LRRC4C: variants seen among roughly 807,000 people sequenced by gnomAD.
The protein encoded by LRRC4C is leucine rich repeat containing 4C.
A neutral mutation model predicts 33.6 loss-of-function variants in LRRC4C; 5 were observed. The ratio of observed to expected loss-of-function variants is 0.15; its 90% CI spans 0.08 to 0.31. LRRC4C has a LOEUF of 0.31. LRRC4C is among the 10% of genes least tolerant of loss of function. The pLI is 1.00. For missense variants in LRRC4C, 560 were observed against 796.7 expected (o/e 0.70, Z 3.58); for synonymous variants, 329 against 302.0 (o/e 1.09, Z -0.93).
intron 3 of LRRC4C, among the ~76,000 whole-genome samples, chr11:40,597,444 C>T (rs958819255): frequency 2.6e-5 from 4 of 152,120 alleles, no homozygotes; most frequent in African/African-American, 9.7e-5. Flanking sequence ...AATTATTCTT[C>T]AGAGTTCCAT....
chr11:40,388,327 T>C (rs1306825926), intron 3 of LRRC4C, among the ~76,000 whole-genome samples: 1 of 152,120 alleles, frequency 6.6e-6, no homozygotes, highest in South Asian at 2.1e-4. Flanking sequence ...AATTGCCTTG[T>C]TTTATTGAGC....
intron 1 of LRRC4C, among the ~76,000 whole-genome samples, chr11:41,408,747 T>TAAAAAAAAAAAA (rs35914452): frequency 1.5e-5 from 2 of 131,776 alleles, no homozygotes; most frequent in African/African-American, 6.4e-5. Flanking sequence ...TATATTTTTG[T>TAAAAAAAAAAAA]AAAAAAAAAA....
At chr11:41,099,050 T>A (rs1215001305) in intron 1 of LRRC4C, among the ~76,000 whole-genome samples, 2 of 152,102 alleles carry the variant, frequency 1.3e-5, no homozygotes, top group African/African-American at 4.8e-5. Flanking sequence ...GAGACTGTGA[T>A]GAATACCTCT....
intron 3 of LRRC4C, among the ~76,000 whole-genome samples, chr11:40,575,069 T>G (rs1463182290): frequency 6.6e-6 from 1 of 152,182 alleles, no homozygotes; most frequent in East Asian, 1.9e-4. Context: ...GATGAGCTCA[T>G]GCAGGAGCTC....
chr11:41,306,242 C>T (rs937556901), intron 1 of LRRC4C, among the ~76,000 whole-genome samples: 19 of 152,146 alleles, frequency 1.2e-4, no homozygotes, highest in Admixed American at 1.1e-3. Context: ...TAACATACAA[C>T]GATTCTACCT....
At chr11:40,238,525 A>T (rs530300497) in intron 5 of LRRC4C, among the ~76,000 whole-genome samples, 48 of 152,278 alleles carry the variant, frequency 3.2e-4, no homozygotes, top group African/African-American at 1.1e-3. Context: ...ATCATTTTTT[A>T]AAAAATGGCT....
intron 3 of LRRC4C, among the ~76,000 whole-genome samples, chr11:40,576,123 A>G (rs987955339): frequency 8.5e-5 from 13 of 152,210 alleles, no homozygotes; most frequent in African/African-American, 3.1e-4. Flanking sequence ...TTTTAATTTT[A>G]TGAAAAAATA....
At chr11:40,282,989 T>C (rs200280188) in intron 4 of LRRC4C, among the ~76,000 whole-genome samples, 1 of 152,204 alleles carries the variant, frequency 6.6e-6, no homozygotes, top group Non-Finnish European at 1.5e-5. Flanking sequence ...TACTCAAACT[T>C]AAAATTTACA....
At chr11:41,265,893 A>T (rs1949135292) in intron 1 of LRRC4C, among the ~76,000 whole-genome samples, 1 of 151,720 alleles carries the variant, frequency 6.6e-6, no homozygotes, top group Non-Finnish European at 1.5e-5. Context: ...AAAAAATAAT[A>T]ATTACATTCT....
At chr11:41,228,459 C>A (rs186256080) in intron 1 of LRRC4C, among the ~76,000 whole-genome samples, 7 of 152,254 alleles carry the variant, frequency 4.6e-5, no homozygotes, top group African/African-American at 1.7e-4. Flanking sequence ...GTCTCCATCA[C>A]GGCTGTGAGA....
chr11:41,077,741 A>C (rs1269790750), intron 1 of LRRC4C, among the ~76,000 whole-genome samples: 1 of 152,196 alleles, frequency 6.6e-6, no homozygotes, highest in East Asian at 1.9e-4. Context: ...TTACCTATGC[A>C]AATTTCTGCA....
chr11:40,352,140 TTCCTTCCTTCCTTCC>T (rs1947432763), intron 3 of LRRC4C, among the ~76,000 whole-genome samples: 1 of 136,058 alleles, frequency 7.3e-6, no homozygotes, highest in African/African-American at 2.5e-5. Context: ...CCTTCCTTCC[TTCCTTCCTTCCTTCC>T]TTCCTTCCTT....
chr11:41,438,033 C>T lies in LRRC4C; in HGVS notation c.-496+21398G>A, dbSNP rs533691920. On this transcript the variant is annotated intron_variant, in intron 1 of 6. Coordinates refer to ENST00000528697, the MANE Select transcript of LRRC4C (RefSeq NM_001258419.2). Reference sequence around the variant, plus strand: ...AGCCTGGGCGACAAGAACAAAACTCCATCTCAAATAAATAAATAAATAAAT... The same window carrying T: ...AGCCTGGGCGACAAGAACAAAACTCTATCTCAAATAAATAAATAAATAAAT... 8.4e-5 allele frequency among the ~76,000 whole-genome samples: 5 copies of T among 59,710 alleles called. No homozygotes were observed. In the South Asian group the frequency reaches 2.0e-3, roughly 24 times the overall value. The allele number at this position is 59,710 out of a possible 152,430, so 39.2% of individuals were successfully genotyped here. A position where few individuals can be genotyped will look rare whatever the true frequency, so the allele number is the denominator to read the frequency against.
chr11:41,342,667 A>G (rs1346218370), intron 1 of LRRC4C, among the ~76,000 whole-genome samples: 6 of 152,136 alleles, frequency 3.9e-5, no homozygotes, highest in African/African-American at 1.2e-4. Context: ...GTGAGCCGAG[A>G]TTGTGCCACT....
chr11:40,118,211 A>G (rs1214888214), intron 6 of LRRC4C, among the ~76,000 whole-genome samples: 1 of 148,478 alleles, frequency 6.7e-6, no homozygotes, highest in Non-Finnish European at 1.5e-5. Flanking sequence ...GTATGAAATA[A>G]CAAATATAAT....
chr11:40,518,807 C>T (rs990278090), intron 3 of LRRC4C, among the ~76,000 whole-genome samples: 39 of 110,970 alleles, frequency 3.5e-4, no homozygotes, highest in African/African-American at 9.5e-4. Flanking sequence ...ACACATATTG[C>T]GGCACTATTC....
chr11:41,171,520 A>C (rs986578572), intron 1 of LRRC4C, among the ~76,000 whole-genome samples: 2 of 147,328 alleles, frequency 1.4e-5, no homozygotes, highest in African/African-American at 5.0e-5. Context: ...CAAACACTGC[A>C]TGTTCTCACT....
At chr11:40,179,130 A>G (rs1229541172) in intron 5 of LRRC4C, among the ~76,000 whole-genome samples, 1 of 151,516 alleles carries the variant, frequency 6.6e-6, no homozygotes, top group East Asian at 1.9e-4. Flanking sequence ...TCGTCCTCCC[A>G]AGTAGCTAGA....
intron 1 of LRRC4C, among the ~76,000 whole-genome samples, chr11:41,102,149 A>G (rs1309518460): frequency 6.6e-6 from 1 of 152,108 alleles, no homozygotes; most frequent in African/African-American, 2.4e-5. Context: ...AGTTAAAAAA[A>G]AGTAATTTTA....
Sources: gnomAD v4.1 joint callset for allele counts (sites outside exome capture counted in the v4.1 genomes callset) on GRCh38, gnomAD v4.1.1 for gene constraint, MANE v1.5 for transcripts, NCBI Gene and HGNC (gene_info 2026-07-23, HGNC 2026-07-21) for gene names.